The following SYTL2 variants were observed in gnomAD, a reference collection of about 807,000 sequenced individuals.
SYTL2 encodes the protein synaptotagmin-like protein 2.
A neutral mutation model predicts 198.7 loss-of-function variants in SYTL2; 165 were observed. The ratio of observed to expected loss-of-function variants is 0.83; its 90% CI spans 0.73 to 0.94. SYTL2 has a LOEUF of 0.94. Ranked by LOEUF, SYTL2 falls within the 40% of genes least tolerant of loss-of-function variation. The pLI is 0.00. For synonymous variants in SYTL2, 966 were observed against 917.7 expected, an observed-to-expected ratio of 1.05 and a Z score of -0.95; for missense variants, 2,835 against 2,582.8, an observed-to-expected ratio of 1.10 and a Z score of -2.12.
chr11:85,821,320 G>C, the SYTL2 span, among the ~76,000 whole-genome samples: 2 of 152,154 alleles, frequency 1.3e-5, no homozygotes, highest in African/African-American at 4.8e-5. Flanking sequence ...TATCACAGGA[G>C]TTCAGAGACA....
In SYTL2 at chr11:85,724,685, A is replaced by C. The variant is rs2153462442; in HGVS notation, c.4673T>G (p.Leu1558Ter). The C allele has an allele frequency of 6.2e-7, 1 of 1,614,096 alleles. No individual in the cohort carries two copies. The highest frequency in any genetic ancestry group is 2.2e-5 in the East Asian group (1 of 44,882). ...KETVEKAEAP[L>*]ITESAFDAGF... is the part of the protein sequence containing the mutation. The stretch of plus-strand genomic sequence containing the variant: ...AGCATCAAAAGCACTCTCAGTTATT[A>C]ACGGAGCCTCGGCCTTTTCTACTGT... Residue 1558 changes from leucine to a stop codon, truncating the protein, a stop_gained, in exon 8 of 20, where the codon TTA becomes TGA. Coordinates refer to ENST00000359152, the MANE Select transcript of SYTL2 (RefSeq NM_206927.4). LOFTEE classifies it high-confidence loss of function.
upstream of SYTL2, among the ~76,000 whole-genome samples, chr11:85,812,972 A>G (rs2093054685): frequency 3.3e-5 from 5 of 152,262 alleles, no homozygotes; most frequent in South Asian, 1.0e-3. Flanking sequence ...GAGGGCAGGC[A>G]CTGGGTCTTG....
At chr11:85,816,124 C>A (rs1566053768), upstream of SYTL2, among the ~76,000 whole-genome samples, 1 of 152,096 alleles carries the variant, frequency 6.6e-6, no homozygotes, top group Non-Finnish European at 1.5e-5. Context: ...GAGATCACGC[C>A]ACTGCATTCC....
At chr11:85,715,280 T>C (rs1159409932) in intron 11 of SYTL2, 1 of 152,124 alleles carries the variant, frequency 6.6e-6, no homozygotes, top group African/African-American at 2.4e-5. Context: ...ATTTTCTTCT[T>C]TTTCTAAGAA....
At chr11:85,768,495 A>T (rs528580249) in intron 1 of SYTL2, among the ~76,000 whole-genome samples, 1 of 152,302 alleles carries the variant, frequency 6.6e-6, no homozygotes, top group Non-Finnish European at 1.5e-5. Flanking sequence ...TGCTGTAAGT[A>T]AAATGGCCTG....
chr11:85,842,634 G>A, the SYTL2 span, among the ~76,000 whole-genome samples: 1 of 152,124 alleles, frequency 6.6e-6, no homozygotes, highest in Non-Finnish European at 1.5e-5. Flanking sequence ...TGTTTTTGGG[G>A]GAACCCAACT....
intron 7 of SYTL2, 138 bp downstream of exon 7, chr11:85,733,801 T>C: frequency 1.5e-6 from 1 of 674,556 alleles, no homozygotes; most frequent in Non-Finnish European, 2.5e-6. Flanking sequence ...GGGTTTCACC[T>C]TGTTAGCCAG....
At chr11:85,810,363 T>A (rs1183957246) in intron 1 of SYTL2, among the ~76,000 whole-genome samples, 2 of 152,120 alleles carry the variant, frequency 1.3e-5, no homozygotes, top group African/African-American at 4.8e-5. Context: ...ACTTCCTATA[T>A]GCTGGTGGAG....
intron 14 of SYTL2, chr11:85,708,166 G>GA (rs763026362): frequency 1.9e-5 from 8 of 422,898 alleles, no homozygotes; most frequent in African/African-American, 1.5e-4. Flanking sequence ...AAAAAAAAAA[G>GA]AAAAAAAGAA....
chr11:85,749,689 A>G (rs187668583), intron 2 of SYTL2, among the ~76,000 whole-genome samples: 1 of 152,300 alleles, frequency 6.6e-6, no homozygotes, highest in East Asian at 1.9e-4. Context: ...GTCAGCAACG[A>G]TATCATGGTT....
At chr11:85,815,834 T>C (rs757398265), upstream of SYTL2, among the ~76,000 whole-genome samples, 4 of 152,192 alleles carry the variant, frequency 2.6e-5, no homozygotes, top group Admixed American at 6.5e-5. Flanking sequence ...TTTATAACCC[T>C]GTGTATGTAT....
intron 1 of SYTL2, among the ~76,000 whole-genome samples, chr11:85,789,378 GTA>G (rs71036488): frequency 0.051 from 1,166 of 23,044 alleles, 26 homozygotes; most frequent in African/African-American, 0.12. Context: ...ATATATATAT[GTA>G]TATATATATA....
chr11:85,778,095 A>G (rs2092488477), intron 1 of SYTL2, among the ~76,000 whole-genome samples: 1 of 152,138 alleles, frequency 6.6e-6, no homozygotes, highest in African/African-American at 2.4e-5. Flanking sequence ...CTGGGATTAC[A>G]GGCAGGAACC....
chr11:85,700,199 TA>T (rs1226241919), intron 17 of SYTL2, among the ~76,000 whole-genome samples: 2 of 152,140 alleles, frequency 1.3e-5, no homozygotes, highest in Non-Finnish European at 2.9e-5. Flanking sequence ...GGTTAATAGA[TA>T]AACAGGTTCA....
intron 1 of SYTL2, among the ~76,000 whole-genome samples, chr11:85,786,586 G>A (rs559033049): frequency 5.3e-5 from 8 of 152,180 alleles, no homozygotes; most frequent in African/African-American, 1.2e-4. Flanking sequence ...ATTCTGAAGC[G>A]ACCTCTCCTC....
intron 1 of SYTL2, among the ~76,000 whole-genome samples, chr11:85,767,103 T>G (rs1443746799): frequency 6.6e-6 from 1 of 152,246 alleles, no homozygotes; most frequent in South Asian, 2.1e-4. Flanking sequence ...CACGCATATT[T>G]GTATATCAAT....
At chr11:85,697,247 C>T (rs1479616872) in intron 18 of SYTL2, among the ~76,000 whole-genome samples, 1 of 152,086 alleles carries the variant, frequency 6.6e-6, no homozygotes. Context: ...GCTATGTTGA[C>T]CAGGCTGGTC....
At chr11:85,815,937 G>C (rs530536360), upstream of SYTL2, among the ~76,000 whole-genome samples, 16 of 152,290 alleles carry the variant, frequency 1.1e-4, no homozygotes, top group Admixed American at 3.9e-4. Context: ...GCCAGGGCTG[G>C]TGGATTGCTT....
At chr11:85,728,139 TCTACCAAAGGTGCC>T in intron 7 of SYTL2, 172 bp from the exon 8 acceptor site, 2 of 598,308 alleles carry the variant, frequency 3.3e-6, no homozygotes, top group South Asian at 5.4e-5. Context: ...ATTAAGGTAT[TCTACCAAAGGTGCC>T]CTATGACAGT....
Sources: allele counts gnomAD v4.1 joint callset (sites outside exome capture counted in the v4.1 genomes callset), GRCh38; gene constraint gnomAD v4.1.1; transcripts MANE v1.5; gene names NCBI Gene and HGNC (gene_info 2026-07-23, HGNC 2026-07-21).